The following USP4 variants were observed in gnomAD, a reference collection of about 807,000 sequenced individuals.
USP4 encodes the protein ubiquitin specific peptidase 4, also known as ubiquitin carboxyl-terminal hydrolase 4.
In USP4, 72 loss-of-function variants were observed where a neutral mutation model predicts 118.2. The ratio of observed to expected loss-of-function variants is 0.61; its 90% CI spans 0.50 to 0.74. The LOEUF is 0.74. Among genes scored for constraint, USP4 ranks in the 30% least tolerant of loss-of-function variants. The pLI, the probability that USP4 is intolerant of heterozygous loss-of-function variation, is 0.00. For synonymous variants in USP4, 415 were observed against 440.4 expected (o/e 0.94, Z 0.72); for missense variants, 1,037 against 1,185.7 (o/e 0.87, Z 1.84).
At position 49,284,459 on chromosome 3, in the gene USP4, T is replaced by C. The variant is rs369418848; in HGVS notation, c.2390+7A>G. On this transcript the variant is annotated splice_region_variant and intron_variant, in intron 18 of 21. Transcript: ENST00000265560. ...GGCCTCTGCCCAGACAGTGAGGAGC[T>C]GCGTACCAGGGGTCATGCTCCCCAA... 2 of 1,610,132 alleles carry C rather than the reference T, an allele frequency of 1.2e-6. No homozygotes were observed. Among genetic ancestry groups the C allele is most frequent in the African/African-American group, 2.7e-5 (2 of 74,814 alleles).
At position 49,277,327 on chromosome 3, in the gene USP4, C is replaced by T. The variant is rs1458099611; in HGVS notation, c.*966G>A. ...CCGGTTCCTTAAGGCCTTGCCCACA[C>T]GCAGCGGCTGGCCCCGCGGTGGGAG... On this transcript the variant is annotated 3_prime_UTR_variant, in exon 22 of 22. Coordinates refer to ENST00000265560, the MANE Select transcript of USP4 (RefSeq NM_003363.4). The T allele has an allele frequency of 9.6e-7, 1 of 1,045,632 alleles. No homozygotes were observed. The highest frequency in any genetic ancestry group is 1.3e-6 in the Non-Finnish European group (1 of 785,322). The allele number at this position is 1,045,632 out of a possible 1,614,324, so 64.8% of individuals were successfully genotyped here. A position where few individuals can be genotyped will look rare whatever the true frequency, so the allele number is the denominator to read the frequency against.
Position 49,305,707 on chromosome 3 carries a change from C to T in USP4, c.1128+8G>A. On this transcript the variant is annotated splice_region_variant and intron_variant, in intron 9 of 21. Coordinates refer to ENST00000265560, the MANE Select transcript of USP4 (RefSeq NM_003363.4). ...ATACCCAACCCATATATATATATGT[C>T]TACCTACTTTGAACATGCGAGGTGC... is the stretch of plus-strand genomic sequence containing the variant. 6.3e-7 allele frequency: 1 copy of T among 1,596,554 alleles called. No individual in the cohort carries two copies. The highest frequency in any genetic ancestry group is 8.5e-7 in the Non-Finnish European group (1 of 1,171,734).
chr3:49,292,496 T>C lies in USP4; in HGVS notation c.1972+14A>G. ...TTTGGTCAGTCACAGCCACAGAGCA[T>C]GGTGCATACTCACCTTCACAGCTGT... On this transcript the variant is annotated intron_variant, in intron 15 of 21. Coordinates refer to ENST00000265560, the MANE Select transcript of USP4 (RefSeq NM_003363.4). The C allele has an allele frequency of 2.0e-6, 3 of 1,528,706 alleles. No homozygotes were observed. The highest frequency in any genetic ancestry group is 2.6e-6 in the Non-Finnish European group (3 of 1,132,460). 94.7% of individuals were successfully genotyped at this position (1,528,706 alleles called of 1,614,324 possible). A position where few individuals can be genotyped will look rare whatever the true frequency, so the allele number is the denominator to read the frequency against.
chr3:49,340,020 G>T lies in USP4; in HGVS notation c.5C>A (p.Ala2Glu). 6.2e-7 allele frequency: 1 copy of T among 1,607,096 alleles called. No homozygotes were observed. The highest frequency in any genetic ancestry group is 1.3e-5 in the African/African-American group (1 of 75,014). Residue 2 changes from alanine to glutamate, a missense_variant, in exon 1 of 22, where the codon GCG becomes GAG. By Grantham distance (107) the Ala-to-Glu change is moderately radical. Coordinates refer to ENST00000265560, the MANE Select transcript of USP4 (RefSeq NM_003363.4). ...TCGCTCACGGCAGCCTCCACCTTCC[G>T]CCATCTCCTCCGCGGCCCCGGCCCA... M[A>E]EGGGCRERPD...
chr3:49,313,298 G>T (rs952544772), intron 6 of USP4, among the ~76,000 whole-genome samples: 8 of 152,078 alleles, frequency 5.3e-5, no homozygotes, highest in Non-Finnish European at 1.2e-4. Flanking sequence ...AGGCTGAGGT[G>T]GGTGGATCAC....
intron 6 of USP4, among the ~76,000 whole-genome samples, chr3:49,320,415 C>T (rs2047486703): frequency 6.6e-6 from 1 of 151,620 alleles, no homozygotes; most frequent in South Asian, 2.1e-4. Context: ...ACACTCCAAC[C>T]TGGGCAACAA....
In USP4 at chr3:49,294,594, C is replaced by T. The variant is rs138698053; in HGVS notation, c.1696G>A (p.Glu566Lys). The T allele has an allele frequency of 2.8e-5, 45 of 1,612,802 alleles. No homozygotes were observed. Among genetic ancestry groups the T allele is most frequent in the Admixed American group, 3.3e-5 (2 of 59,870 alleles). Residue 566 changes from glutamate (E) to lysine (K), a missense_variant, in exon 14 of 22, where the codon GAG becomes AAG. Glu to Lys is a moderately conservative substitution (Grantham distance 56). Around this residue, in one of 3 missense-constraint regions of USP4, gnomAD observed 522 missense variants for 592.6 expected, o/e 0.88. Transcript: ENST00000265560. Reference sequence around the variant, plus strand: ...CCATCCACGGAAGTGCTGCAGACCTCGTACCTGCGTCAATCACACAAGAGG... The same window carrying T: ...CCATCCACGGAAGTGCTGCAGACCTTGTACCTGCGTCAATCACACAAGAGG... Reference protein sequence around the residue: ...IMPRDDIFVYEVCSTSVDGSE... With the variant: ...IMPRDDIFVYKVCSTSVDGSE...
At chr3:49,284,384 G>C in intron 18 of USP4, 82 bp downstream of exon 18, 1 of 1,165,276 alleles carries the variant, frequency 8.6e-7, no homozygotes, top group Non-Finnish European at 1.3e-6. Flanking sequence ...AATACAAAGG[G>C]GTTTATGTGC....
intron 6 of USP4, chr3:49,317,268 G>T (rs192784218): frequency 1.3e-6 from 2 of 1,536,038 alleles, no homozygotes; most frequent in South Asian, 2.3e-5. Flanking sequence ...CCAGGTTCTC[G>T]TTGACGCGGG....
intron 8 of USP4, among the ~76,000 whole-genome samples, chr3:49,308,695 A>G (rs538551958): frequency 1.3e-5 from 2 of 151,864 alleles, no homozygotes; most frequent in African/African-American, 4.8e-5. Context: ...CATAGTTTGC[A>G]GTACTCCATA....
intron 13 of USP4, among the ~76,000 whole-genome samples, chr3:49,295,701 TGCGC>T (rs754642053): frequency 8.9e-5 from 13 of 146,150 alleles, no homozygotes; most frequent in East Asian, 2.0e-4. Context: ...TATGCACGTG[TGCGC>T]GCGCGCGCGC....
chr3:49,322,860 G>GA (rs1348556721), intron 6 of USP4, among the ~76,000 whole-genome samples: 91 of 135,094 alleles, frequency 6.7e-4, no homozygotes, highest in African/African-American at 7.3e-4. Context: ...CCGTCACAGG[G>GA]AAAAAAAAAA....
Position 49,335,488 on chromosome 3 carries a change from G to A in USP4, c.210C>T (p.Asp70=). 6.2e-7 allele frequency: 1 copy of A among 1,614,206 alleles called. No individual in the cohort carries two copies. Among genetic ancestry groups the A allele is most frequent in the Non-Finnish European group, 8.5e-7 (1 of 1,180,044 alleles). The part of the protein sequence containing the change: ...GEHNLFPGPI[D]NSGLFSDPES... ...CTATACCTGAAAATAGCCCAGAGTT[G>A]TCTATTGGGCCAGGAAATAGGTTAT... Residue 70 remains aspartate, a synonymous_variant, in exon 2 of 22, where the codon GAC becomes GAT. Transcript: ENST00000265560.
Position 49,277,362 on chromosome 3 carries a change from G to T in USP4, c.*931C>A, listed in dbSNP as rs1207838999. 1 of 708,084 alleles carries T rather than the reference G, an allele frequency of 1.4e-6. No homozygotes were observed. Among genetic ancestry groups the T allele is most frequent in the Non-Finnish European group, 2.0e-6 (1 of 497,510 alleles). The allele number at this position is 708,084 out of a possible 1,614,324, so 43.9% of individuals were successfully genotyped here. ...GGCCCCGCGGTGGGAGTGGGGACGGGGCTTTCGAATGGGGGCCCCGGGAAG... is the reference window on the plus strand; with the variant it reads ...GGCCCCGCGGTGGGAGTGGGGACGGTGCTTTCGAATGGGGGCCCCGGGAAG... On this transcript the variant is annotated 3_prime_UTR_variant, in exon 22 of 22. Coordinates refer to ENST00000265560, the MANE Select transcript of USP4 (RefSeq NM_003363.4).
intron 13 of USP4, among the ~76,000 whole-genome samples, chr3:49,295,192 G>A (rs2047190400): frequency 6.7e-6 from 1 of 150,102 alleles, no homozygotes; most frequent in Admixed American, 6.8e-5. Flanking sequence ...GGGAGGCTGA[G>A]GCAGGAGAAT....
At chr3:49,300,790 C>G in intron 10 of USP4, 99 bp from the exon 11 acceptor site, 2 of 1,060,762 alleles carry the variant, frequency 1.9e-6, no homozygotes, top group Non-Finnish European at 2.8e-6. Context: ...AATCAGGTGG[C>G]AATCTGTACA....
intron 15 of USP4, among the ~76,000 whole-genome samples, chr3:49,287,327 T>C (rs1319461358): frequency 6.6e-6 from 1 of 151,828 alleles, no homozygotes; most frequent in Non-Finnish European, 1.5e-5. Flanking sequence ...GCTACTTTTT[T>C]GTATTTTTAG....
In USP4 at chr3:49,300,488, G is replaced by T. The variant is rs142071789; in HGVS notation, c.1491C>A (p.Asp497Glu). ...TCACCTGAGTAGGTCTGCAGTGAGG[G>T]TCAGCAGGAACCAGGAAAACCTCCA... is the stretch of plus-strand genomic sequence containing the variant. ...RVMEVFLVPADPHCRPTQYRV... is the reference protein window; with the variant it reads ...RVMEVFLVPAEPHCRPTQYRV... Residue 497 changes from aspartate (D) to glutamate (E), a missense_variant, in exon 11 of 22, where the codon GAC becomes GAA. Coordinates refer to ENST00000265560, the MANE Select transcript of USP4 (RefSeq NM_003363.4). The T allele has an allele frequency of 1.4e-4, 226 of 1,614,024 alleles. No homozygotes were observed. The highest frequency in any genetic ancestry group is 1.8e-4 in the Non-Finnish European group (216 of 1,180,026).
intron 21 of USP4, 136 bp downstream of exon 21, chr3:49,278,678 A>G: frequency 1.2e-6 from 1 of 866,034 alleles, no homozygotes; most frequent in Non-Finnish European, 1.8e-6. Flanking sequence ...CCCTGAAGGA[A>G]TGCCAGCCAG....
Sources: gnomAD v4.1 joint callset for allele counts (sites outside exome capture counted in the v4.1 genomes callset) on GRCh38, gnomAD v4.1.1 for gene constraint, gnomAD v4.1.1 regional missense constraint, MANE v1.5 for transcripts, NCBI Gene and HGNC (gene_info 2026-07-23, HGNC 2026-07-21) for gene names.